RPA2: variants seen among roughly 807,000 people sequenced by gnomAD.
RPA2 encodes replication protein A 32 kDa subunit.
Under a neutral mutation model 33.4 loss-of-function variants are expected in RPA2, and 22 were observed. The observed-to-expected ratio is 0.66, with a 90% CI of 0.47 to 0.94. The LOEUF (loss-of-function observed/expected upper bound fraction) is 0.94, where lower values mean the gene tolerates loss of function less well. RPA2 is among the 40% of genes least tolerant of loss of function. The pLI is 0.00. For synonymous variants in RPA2, 109 were observed against 114.9 expected, an observed-to-expected ratio of 0.95 and a Z score of 0.33; for missense variants, 279 against 329.9, an observed-to-expected ratio of 0.85 and a Z score of 1.19.
At position 27,891,892 on chromosome 1, in the gene RPA2, T is replaced by C; in HGVS notation, c.*271A>G. ...CTGGTAGCATCCTTCCAATTCCATC[T>C]ATCTTGATGTTGTAACAAGCTTATT... is the stretch of plus-strand genomic sequence containing the variant. On this transcript the variant is annotated 3_prime_UTR_variant, in exon 9 of 9. Transcript: ENST00000373912. 2 of 400,280 alleles carry C rather than the reference T, an allele frequency of 5.0e-6. No homozygotes were observed. Among genetic ancestry groups the C allele is most frequent in the Non-Finnish European group, 9.2e-6 (2 of 217,872 alleles). The allele number at this position is 400,280 out of a possible 1,614,324, so 24.8% of individuals were successfully genotyped here.
At position 27,914,273 on chromosome 1, in the gene RPA2, TA is replaced by T. The variant is rs767977305; in HGVS notation, c.11-105del. The T allele has an allele frequency of 6.9e-6, 11 of 1,597,310 alleles. No homozygotes were observed. In the East Asian group the frequency reaches 2.3e-4, roughly 33 times the overall value. On this transcript the variant is annotated intron_variant, in intron 1 of 8. Coordinates refer to ENST00000373912, the MANE Select transcript of RPA2 (RefSeq NM_002946.5). ...CCTTCAAACACTGCCCGAGTCTCCC[TA>T]ACCTTCCTCGCCGCCTTCCTGCGGG...
rs368238037 is a variant in RPA2, at chr1:27,899,664, T to C, written c.334-1957A>G. 5.6e-4 allele frequency among the ~76,000 whole-genome samples: 85 copies of C among 152,098 alleles called. 1 individual carries two copies. The South Asian group carries it at 0.015, about 27-fold the overall frequency. Reference sequence around the variant, plus strand: ...GGTTTAATTATAATAAAAGAAACCATAGAAATAATATGAACAATTTTTTTC... The same window carrying C: ...GGTTTAATTATAATAAAAGAAACCACAGAAATAATATGAACAATTTTTTTC... On this transcript the variant is annotated intron_variant, in intron 4 of 8. Coordinates refer to ENST00000373912, the MANE Select transcript of RPA2 (RefSeq NM_002946.5).
rs1260634810 is a variant in RPA2, at chr1:27,894,417, A to G, written c.526-20T>C. ...TGAGGGCTGAATTAAGAAATAAGTT[A>G]GCAATATTAGAAAATCCATCAAGTT... is the stretch of plus-strand genomic sequence containing the variant. On this transcript the variant is annotated intron_variant, in intron 6 of 8. Coordinates refer to ENST00000373912, the MANE Select transcript of RPA2 (RefSeq NM_002946.5). 6.3e-7 allele frequency: 1 copy of G among 1,594,332 alleles called. No homozygotes were observed. The highest frequency in any genetic ancestry group is 8.6e-7 in the Non-Finnish European group (1 of 1,166,270).
At chr1:27,897,463 T>C (rs7523131) in intron 5 of RPA2, among the ~76,000 whole-genome samples, 170 bp downstream of exon 5, 47 of 125,536 alleles carry the variant, frequency 3.7e-4, no homozygotes, top group African/African-American at 1.7e-3. Context: ...TAATTTCATG[T>C]TAAGGTTAAA....
At chr1:27,894,893 T>C (rs1318116882) in intron 6 of RPA2, among the ~76,000 whole-genome samples, 1 of 152,184 alleles carries the variant, frequency 6.6e-6, no homozygotes, top group Non-Finnish European at 1.5e-5. Context: ...CAGCCCACCA[T>C]ATTTGGGTTG....
At chr1:27,902,594 A>G (rs2089981442) in intron 4 of RPA2, among the ~76,000 whole-genome samples, 1 of 152,048 alleles carries the variant, frequency 6.6e-6, no homozygotes, top group African/African-American at 2.4e-5. Flanking sequence ...CAAAAAGACT[A>G]TTTTTTAAAA....
intron 8 of RPA2, among the ~76,000 whole-genome samples, chr1:27,893,034 GAT>G (rs1486909784): frequency 6.6e-6 from 1 of 152,206 alleles, no homozygotes; most frequent in Admixed American, 6.6e-5. Flanking sequence ...ATAAGGTACA[GAT>G]AGCCTAATAC....
At chr1:27,912,387 AAAAAAACAC>A (rs1238409841) in intron 2 of RPA2, among the ~76,000 whole-genome samples, 2 of 151,782 alleles carry the variant, frequency 1.3e-5, no homozygotes, top group Non-Finnish European at 2.9e-5. Flanking sequence ...CTAAAAAAAA[AAAAAAACAC>A]AAAAATTAGC....
chr1:27,909,365 C>T (rs2090069694), intron 2 of RPA2, among the ~76,000 whole-genome samples: 1 of 152,156 alleles, frequency 6.6e-6, no homozygotes, highest in Non-Finnish European at 1.5e-5. Flanking sequence ...ACCGCTGGCA[C>T]ATATGCCACA....
At chr1:27,914,769 G>T (rs1232433607), upstream of RPA2, 5 of 1,227,164 alleles carry the variant, frequency 4.1e-6, no homozygotes, top group African/African-American at 7.5e-5. Flanking sequence ...CTGGCAGAGC[G>T]GTATCGCAAG....
chr1:27,899,283 C>T (rs1278939992), intron 4 of RPA2, among the ~76,000 whole-genome samples: 3 of 150,856 alleles, frequency 2.0e-5, no homozygotes, highest in East Asian at 2.0e-4. Context: ...CTGAGGCGGG[C>T]GGATCACGAG....
At chr1:27,911,015 A>G (rs1275532077) in intron 2 of RPA2, among the ~76,000 whole-genome samples, 1 of 152,134 alleles carries the variant, frequency 6.6e-6, no homozygotes, top group Admixed American at 6.6e-5. Context: ...CAGGAGTTTG[A>G]GACCAGCCTG....
At position 27,899,932 on chromosome 1, in the gene RPA2, G is replaced by A. The variant is rs28905172; in HGVS notation, c.334-2225C>T. Among the ~76,000 whole-genome samples the A allele has an allele frequency of 7.9e-3, 1,202 of 152,156 alleles. 34 individuals carry two copies. The East Asian group carries it at 0.1, about 13-fold the overall frequency. ...CCTGACCTCGTGATCCGCCCGCCTCGGCCTCCCAAAGTGCTGGGATTACAG... is the reference window on the plus strand; with the variant it reads ...CCTGACCTCGTGATCCGCCCGCCTCAGCCTCCCAAAGTGCTGGGATTACAG... On this transcript the variant is annotated intron_variant, in intron 4 of 8. Transcript: ENST00000373912.
chr1:27,897,107 C>T lies in RPA2; in HGVS notation c.423G>A (p.Leu141=). 6.2e-7 allele frequency: 1 copy of T among 1,609,842 alleles called. No homozygotes were observed. Among genetic ancestry groups the T allele is most frequent in the South Asian group, 1.1e-5 (1 of 89,688 alleles). ...CCAGGGGCATGATCTTAAAGGCTAC[C>T]AGGCTCTTTTTGTTCTATTAAAATG... ...HLRSFQNKKS[L]VAFKIMPLED... The change falls in exon 6 of 9, where the codon CTG becomes CTA. Residue 141 remains leucine (L), a synonymous_variant. Coordinates refer to ENST00000373912, the MANE Select transcript of RPA2 (RefSeq NM_002946.5).
intron 4 of RPA2, among the ~76,000 whole-genome samples, chr1:27,898,458 T>C (rs1156789495): frequency 1.3e-5 from 2 of 152,154 alleles, no homozygotes; most frequent in African/African-American, 2.4e-5. Flanking sequence ...TTTATAATGG[T>C]TGACTAAGAT....
Position 27,894,001 on chromosome 1 carries a change from C to G in RPA2, c.728+11G>C. On this transcript the variant is annotated intron_variant, in intron 8 of 8. Transcript: ENST00000373912. ...TGCCAGAGCCTGAGCTCATGAAAAT[C>G]AAATACTTACTTGATTGAGGATACA... 1 of 1,609,018 alleles carries G rather than the reference C, an allele frequency of 6.2e-7. No individual in the cohort carries two copies. The highest frequency in any genetic ancestry group is 8.5e-7 in the Non-Finnish European group (1 of 1,175,390).
At chr1:27,912,972 C>T (rs761304838) in intron 2 of RPA2, among the ~76,000 whole-genome samples, 2 of 152,106 alleles carry the variant, frequency 1.3e-5, no homozygotes, top group Admixed American at 6.5e-5. Context: ...TTTTTTGAGA[C>T]AGTCTGCTCT....
Position 27,891,843 on chromosome 1 carries a change from C to G in RPA2, c.*320G>C, listed in dbSNP as rs151159966. The G allele has an allele frequency of 4.0e-6, 1 of 250,928 alleles. No individual in the cohort carries two copies. The highest frequency in any genetic ancestry group is 7.7e-6 in the Non-Finnish European group (1 of 129,404). 15.5% of individuals were successfully genotyped at this position (250,928 alleles called of 1,614,324 possible). A position where few individuals can be genotyped will look rare whatever the true frequency, so the allele number is the denominator to read the frequency against. ...AGTAAACATTTTAAGAAGAGAAACTCCTGAGCACTATGTAAGTACTCTCCT... is the reference window on the plus strand; with the variant it reads ...AGTAAACATTTTAAGAAGAGAAACTGCTGAGCACTATGTAAGTACTCTCCT... On this transcript the variant is annotated 3_prime_UTR_variant, in exon 9 of 9. Transcript: ENST00000373912.
chr1:27,899,546 C>G (rs1055074715), intron 4 of RPA2, among the ~76,000 whole-genome samples: 1 of 135,790 alleles, frequency 7.4e-6, no homozygotes, highest in Non-Finnish European at 1.6e-5. Context: ...ACAAACAAAA[C>G]AATTGTATTC....
Sources: allele counts gnomAD v4.1 joint callset (sites outside exome capture counted in the v4.1 genomes callset), GRCh38; gene constraint gnomAD v4.1.1; transcripts MANE v1.5; gene names NCBI Gene and HGNC (gene_info 2026-07-23, HGNC 2026-07-21).